YES1: variants seen among roughly 807,000 people sequenced by gnomAD.
The protein encoded by YES1 is tyrosine-protein kinase Yes.
YES1 carries 39 observed loss-of-function variants against 70.4 expected under a neutral mutation model. The observed-to-expected ratio is 0.55, with a 90% CI of 0.43 to 0.72. The LOEUF (loss-of-function observed/expected upper bound fraction) is 0.72. YES1 is among the 30% of genes least tolerant of loss of function. The pLI is 0.00. For missense variants in YES1, 495 were observed against 644.8 expected (o/e 0.77, Z 2.52); for synonymous variants, 198 against 218.6 (o/e 0.91, Z 0.83).
rs146292164 is a variant in YES1 at position 725,515 on chromosome 18, C to T, written c.1424-883G>A. Among the ~76,000 whole-genome samples the T allele has an allele frequency of 2.6e-5, 4 of 152,206 alleles. No individual in the cohort carries two copies. The East Asian group carries it at 7.7e-4, about 29-fold the overall frequency. ...ATTTTTTAAACTATTAAAAAAAACT[C>T]TACATGACATTACTTTGAAACTCAA... On this transcript the variant is annotated intron_variant, in intron 11 of 11. Coordinates refer to ENST00000314574, the MANE Select transcript of YES1 (RefSeq NM_005433.4).
At chr18:743,626 G>C (rs2080241195) in intron 6 of YES1, among the ~76,000 whole-genome samples, 1 of 152,080 alleles carries the variant, frequency 6.6e-6, no homozygotes, top group Non-Finnish European at 1.5e-5. Context: ...TTATTTTTAA[G>C]GCCGGGCAAG....
chr18:782,633 A>G (rs1198332180), intron 1 of YES1, among the ~76,000 whole-genome samples: 2 of 152,250 alleles, frequency 1.3e-5, no homozygotes, highest in Non-Finnish European at 2.9e-5. Flanking sequence ...TAAATCTTAT[A>G]TGAATGGGAA....
At chr18:734,189 G>T (rs564932454) in intron 10 of YES1, among the ~76,000 whole-genome samples, 2 of 151,054 alleles carry the variant, frequency 1.3e-5, no homozygotes, top group African/African-American at 4.9e-5. Flanking sequence ...TGAGGCAGGA[G>T]AATTGCTTGA....
chr18:771,854 T>A (rs1905172214), intron 1 of YES1, among the ~76,000 whole-genome samples: 1 of 152,094 alleles, frequency 6.6e-6, no homozygotes, highest in Admixed American at 6.6e-5. Flanking sequence ...TAAAAAGTAT[T>A]TCCTTATGTA....
At position 723,926 on chromosome 18, in the gene YES1, CTGTT is replaced by C. The variant is rs1196859875; in HGVS notation, c.*494_*497del. The C allele has an allele frequency of 1.3e-5, 2 of 156,774 alleles. No individual in the cohort carries two copies. The highest frequency in any genetic ancestry group is 4.8e-5 in the African/African-American group (2 of 41,460). 9.7% of individuals were successfully genotyped at this position (156,774 alleles called of 1,614,324 possible). A position where few individuals can be genotyped will look rare whatever the true frequency, so the allele number is the denominator to read the frequency against. ...AGCATATATTAAGATTGCATACTGA[CTGTT>C]TAACTTAGAAAAAACTTTTGAGAAT... On this transcript the variant is annotated 3_prime_UTR_variant, in exon 12 of 12. Transcript: ENST00000314574.
intron 11 of YES1, among the ~76,000 whole-genome samples, chr18:730,971 T>G (rs551045737): frequency 2.2e-5 from 2 of 92,100 alleles, no homozygotes; most frequent in Admixed American, 2.2e-4. Flanking sequence ...AGCAAAGGAG[T>G]GATTATACTG....
At chr18:739,890 A>C in intron 8 of YES1, 79 bp from the exon 9 acceptor site, 25 of 1,047,078 alleles carry the variant, frequency 2.4e-5, no homozygotes, top group Non-Finnish European at 3.3e-5. Flanking sequence ...TCCACCCCAA[A>C]TCACAACACA....
intron 1 of YES1, among the ~76,000 whole-genome samples, chr18:792,424 T>C (rs1204430147): frequency 6.6e-6 from 1 of 152,118 alleles, no homozygotes; most frequent in East Asian, 1.9e-4. Context: ...TCCCAGCTAC[T>C]CTGGAGGCTG....
chr18:780,110 T>C (rs7242129), intron 1 of YES1, among the ~76,000 whole-genome samples: 50,395 of 151,768 alleles, frequency 0.33, 8,768 homozygotes, highest in African/African-American at 0.41. Flanking sequence ...GGCACGCACC[T>C]GCTACTTGGG....
At chr18:804,925 A>AAAAAAAAAAAAAC (rs1555692642) in intron 1 of YES1, among the ~76,000 whole-genome samples, 23 of 150,904 alleles carry the variant, frequency 1.5e-4, no homozygotes, top group African/African-American at 5.6e-4. Flanking sequence ...AAAAAAAAAA[A>AAAAAAAAAAAAAC]CACAAACCAA....
chr18:766,366 C>T (rs1904909763), intron 1 of YES1, among the ~76,000 whole-genome samples: 1 of 152,030 alleles, frequency 6.6e-6, no homozygotes, highest in Admixed American at 6.6e-5. Flanking sequence ...TGACTTGCTC[C>T]ACATCCTTAA....
intron 1 of YES1, among the ~76,000 whole-genome samples, chr18:782,244 G>A (rs1905709319): frequency 6.6e-6 from 1 of 152,098 alleles, no homozygotes; most frequent in Non-Finnish European, 1.5e-5. Flanking sequence ...CTCTTCATAA[G>A]GTAAAACATG....
chr18:803,326 T>C lies in YES1; in HGVS notation c.-9+8788A>G, dbSNP rs7233153. Among the ~76,000 whole-genome samples, 877 of 152,338 alleles carry C rather than the reference T, an allele frequency of 5.8e-3. 10 individuals carry two copies. The highest frequency in any genetic ancestry group is 0.037 in the Middle Eastern group (11 of 294). ...GATTCAAGTCAAATGTGATAATGCATATAAAAGTATGGCATAGCACCTATC... is the reference window on the plus strand; with the variant it reads ...GATTCAAGTCAAATGTGATAATGCACATAAAAGTATGGCATAGCACCTATC... On this transcript the variant is annotated intron_variant, in intron 1 of 11. Transcript: ENST00000314574.
intron 1 of YES1, among the ~76,000 whole-genome samples, chr18:772,732 A>C (rs1005533643): frequency 1.3e-5 from 2 of 152,130 alleles, no homozygotes; most frequent in Non-Finnish European, 2.9e-5. Flanking sequence ...ACGCCCGGCC[A>C]GCATCTCTAT....
At position 736,948 on chromosome 18, in the gene YES1, A is replaced by G; in HGVS notation, c.1151T>C (p.Met384Thr). The G allele has an allele frequency of 6.2e-7, 1 of 1,607,606 alleles. No homozygotes were observed. The highest frequency in any genetic ancestry group is 8.5e-7 in the Non-Finnish European group (1 of 1,179,346). The change falls in exon 10 of 12, where the codon ATG (methionine) becomes ACG (threonine). Residue 384 changes from methionine to threonine, a missense_variant. By Grantham distance (81) the Met-to-Thr change is moderately conservative. Coordinates refer to ENST00000314574, the MANE Select transcript of YES1 (RefSeq NM_005433.4). ...VDMAAQIADG[M>T]AYIERMNYIH... ...ATAGTTCATTCTTTCAATATATGCC[A>G]TACCATCAGCAATCTTGGAAAGAGA...
Position 770,725 on chromosome 18 carries a change from C to A in YES1, c.-8-13890G>T, listed in dbSNP as rs574802308. Among the ~76,000 whole-genome samples, 6 of 152,256 alleles carry A rather than the reference C, an allele frequency of 3.9e-5. No individual in the cohort carries two copies. The South Asian group carries it at 1.0e-3, about 26-fold the overall frequency. ...TTTCCCTTCTTTTAGGGATCACAGT[C>A]CTGCACTGCTGTTGTCCAAAGTCTA... On this transcript the variant is annotated intron_variant, in intron 1 of 11. Transcript: ENST00000314574.
intron 11 of YES1, among the ~76,000 whole-genome samples, chr18:727,750 A>C (rs778757166): frequency 6.6e-6 from 1 of 152,116 alleles, no homozygotes; most frequent in Non-Finnish European, 1.5e-5. Flanking sequence ...GTCACAGTCT[A>C]TTTTTATATA....
At chr18:727,354 A>T (rs2080032953) in intron 11 of YES1, among the ~76,000 whole-genome samples, 1 of 152,134 alleles carries the variant, frequency 6.6e-6, no homozygotes, top group South Asian at 2.1e-4. Context: ...AATACCTTAA[A>T]GTATGTATCT....
intron 1 of YES1, among the ~76,000 whole-genome samples, chr18:782,578 ATAT>A (rs1241661813): frequency 1.3e-5 from 2 of 152,254 alleles, no homozygotes; most frequent in African/African-American, 4.8e-5. Context: ...TAATAAAAAT[ATAT>A]TATTAATTAG....
Sources: gnomAD v4.1 joint callset for allele counts (sites outside exome capture counted in the v4.1 genomes callset) on GRCh38, gnomAD v4.1.1 for gene constraint, MANE v1.5 for transcripts, NCBI Gene and HGNC (gene_info 2026-07-23, HGNC 2026-07-21) for gene names.